The following SEMA3E variants were observed in gnomAD, a reference collection of about 807,000 sequenced individuals.
The protein encoded by SEMA3E is semaphorin-3E.
In SEMA3E, 49 loss-of-function variants were observed where a neutral mutation model predicts 93.6. The observed-to-expected ratio is 0.52, with a 90% CI of 0.42 to 0.66. The LOEUF is 0.66. SEMA3E is among the 30% of genes least tolerant of loss of function. The probability of loss-of-function intolerance (pLI) is 0.00; values close to 1 mark genes in which losing one functional copy is unlikely to be tolerated. For synonymous variants in SEMA3E, 363 were observed against 330.7 expected (o/e 1.10, Z -1.06); for missense variants, 906 against 964.8 (o/e 0.94, Z 0.81).
chr7:83,569,157 C>A (rs934097505), intron 1 of SEMA3E, among the ~76,000 whole-genome samples: 2 of 148,300 alleles, frequency 1.3e-5, no homozygotes, highest in Admixed American at 6.7e-5. Flanking sequence ...AAAAAAAAAT[C>A]TTATAAATAA....
chr7:83,451,024 G>A (rs1407420685), intron 4 of SEMA3E, among the ~76,000 whole-genome samples: 1 of 152,004 alleles, frequency 6.6e-6, no homozygotes, highest in Non-Finnish European at 1.5e-5. Context: ...AATCATGGGG[G>A]TAGTTTCCCC....
chr7:83,439,013 T>G (rs903530626), intron 4 of SEMA3E, among the ~76,000 whole-genome samples: 1 of 152,292 alleles, frequency 6.6e-6, no homozygotes, highest in East Asian at 1.9e-4. Context: ...GGAGCAGGAA[T>G]CAAAATTCTT....
intron 4 of SEMA3E, among the ~76,000 whole-genome samples, chr7:83,443,537 G>T (rs1789161915): frequency 6.6e-6 from 1 of 152,022 alleles, no homozygotes. Flanking sequence ...TTCCAAATCA[G>T]GGTTGAAATA....
At chr7:83,508,901 C>T (rs1270469069) in intron 1 of SEMA3E, among the ~76,000 whole-genome samples, 3 of 152,074 alleles carry the variant, frequency 2.0e-5, no homozygotes, top group Non-Finnish European at 4.4e-5. Context: ...CAAAAACATA[C>T]TTTTTGATCT....
At chr7:83,551,290 C>T (rs374230545) in intron 1 of SEMA3E, among the ~76,000 whole-genome samples, 2 of 152,136 alleles carry the variant, frequency 1.3e-5, no homozygotes, top group African/African-American at 4.8e-5. Context: ...ATATAATCAC[C>T]ATGTTGGAAA....
rs1357599912 is a variant in SEMA3E at position 83,578,881 on chromosome 7, G to A, written c.115+69547C>T. On this transcript the variant is annotated intron_variant, in intron 1 of 16. Transcript: ENST00000643230. ...AACAAAAGAGCTTATTCAAATATTGGCCCTTTAGACTTGGAGCTTTGCAAG... is the reference window on the plus strand; with the variant it reads ...AACAAAAGAGCTTATTCAAATATTGACCCTTTAGACTTGGAGCTTTGCAAG... Among the ~76,000 whole-genome samples the A allele has an allele frequency of 3.3e-5, 5 of 152,032 alleles. No individual in the cohort carries two copies. The East Asian group carries it at 9.7e-4, about 29-fold the overall frequency.
chr7:83,518,054 G>A (rs946128872), intron 1 of SEMA3E, among the ~76,000 whole-genome samples: 1 of 152,146 alleles, frequency 6.6e-6, no homozygotes, highest in Non-Finnish European at 1.5e-5. Context: ...TGTGGAGGGT[G>A]CAAAAATGGC....
At chr7:83,503,748 C>T (rs1170244601) in intron 1 of SEMA3E, among the ~76,000 whole-genome samples, 1 of 152,114 alleles carries the variant, frequency 6.6e-6, no homozygotes, top group Non-Finnish European at 1.5e-5. Context: ...TATCTAAACA[C>T]AGAAAAGGTA....
At chr7:83,466,287 T>C (rs927570599) in intron 4 of SEMA3E, among the ~76,000 whole-genome samples, 195 bp downstream of exon 4, 9 of 152,124 alleles carry the variant, frequency 5.9e-5, no homozygotes, top group Admixed American at 3.3e-4. Context: ...GCATAGCAAA[T>C]TAATTGGTTC....
At position 83,363,860 on chromosome 7, in the gene SEMA3E, ATTTTTTT is replaced by A. The variant is rs56867715; in HGVS notation, c.*3719_*3725del. 1.3e-5 allele frequency: 1 copy of A among 76,968 alleles called. No individual in the cohort carries two copies. Among genetic ancestry groups the A allele is most frequent in the Non-Finnish European group, 2.3e-5 (1 of 42,728 alleles). The allele number at this position is 76,968 out of a possible 1,614,324, so 4.8% of individuals were successfully genotyped here. On this transcript the variant is annotated 3_prime_UTR_variant, in exon 17 of 17. Coordinates refer to ENST00000643230, the MANE Select transcript of SEMA3E (RefSeq NM_012431.3). ...GGCTACAGGTGTCACAGGTCAATTC[ATTTTTTT>A]TTTTTTTTTTTTTTTTTTTTTTTTT...
chr7:83,401,750 A>G (rs1788237957), intron 10 of SEMA3E, among the ~76,000 whole-genome samples: 1 of 152,022 alleles, frequency 6.6e-6, no homozygotes, highest in African/African-American at 2.4e-5. Context: ...TTTCTATTTG[A>G]CTTGCAAGTA....
Position 83,593,240 on chromosome 7 carries a change from C to T in SEMA3E, c.115+55188G>A, listed in dbSNP as rs554970121. Among the ~76,000 whole-genome samples, 192 of 140,228 alleles carry T rather than the reference C, an allele frequency of 1.4e-3. 2 individuals carry two copies. Among genetic ancestry groups the T allele is most frequent in the African/African-American group, 4.6e-3 (174 of 37,616 alleles). 92.0% of individuals were successfully genotyped at this position (140,228 alleles called of 152,430 possible). The stretch of plus-strand genomic sequence containing the variant: ...CTGAAACCTCTCTCTCTCTCTCTTT[C>T]GCTCTTTCTCTCTCTCTCTGTCTCT... On this transcript the variant is annotated intron_variant, in intron 1 of 16. Coordinates refer to ENST00000643230, the MANE Select transcript of SEMA3E (RefSeq NM_012431.3).
At chr7:83,467,223 C>T (rs1163421705) in intron 3 of SEMA3E, among the ~76,000 whole-genome samples, 2 of 152,076 alleles carry the variant, frequency 1.3e-5, no homozygotes, top group African/African-American at 4.8e-5. Context: ...TGCCACCATG[C>T]CCAGCTAATC....
At chr7:83,637,276 C>A (rs1176379856) in intron 1 of SEMA3E, among the ~76,000 whole-genome samples, 1 of 151,946 alleles carries the variant, frequency 6.6e-6, no homozygotes, top group Non-Finnish European at 1.5e-5. Context: ...CCTTTACTAT[C>A]CCAGGATTCC....
chr7:83,639,128 A>C lies in SEMA3E; in HGVS notation c.115+9300T>G, dbSNP rs1185225477. On this transcript the variant is annotated intron_variant, in intron 1 of 16. Transcript: ENST00000643230. ...TCCGTCTCAAAAAAAAAAAAAAAAA[A>C]AAAAAAAAAAAACAGAGATTCCTGA... Among the ~76,000 whole-genome samples, 22 of 141,436 alleles carry C rather than the reference A, an allele frequency of 1.6e-4. 2 individuals carry two copies. Among genetic ancestry groups the C allele is most frequent in the African/African-American group, 5.2e-4 (20 of 38,378 alleles). The allele number at this position is 141,436 out of a possible 152,430, so 92.8% of individuals were successfully genotyped here. A position where few individuals can be genotyped will look rare whatever the true frequency, so the allele number is the denominator to read the frequency against.
intron 1 of SEMA3E, among the ~76,000 whole-genome samples, chr7:83,549,721 C>A (rs761182231): frequency 1.2e-4 from 19 of 152,012 alleles, no homozygotes; most frequent in Non-Finnish European, 2.5e-4. Context: ...TCATCTTCTG[C>A]TAGATCCCAG....
intron 1 of SEMA3E, among the ~76,000 whole-genome samples, chr7:83,561,336 C>T (rs567061891): frequency 6.6e-6 from 1 of 152,028 alleles, no homozygotes; most frequent in African/African-American, 2.4e-5. Context: ...TCTCCATGTG[C>T]GATAAAATGT....
chr7:83,426,320 C>A (rs1283048865), intron 4 of SEMA3E, among the ~76,000 whole-genome samples: 1 of 152,100 alleles, frequency 6.6e-6, no homozygotes, highest in African/African-American at 2.4e-5. Context: ...GACATGGAAT[C>A]AACATAGGTG....
intron 1 of SEMA3E, among the ~76,000 whole-genome samples, chr7:83,531,997 C>T (rs1002733549): frequency 1.3e-5 from 2 of 152,110 alleles, no homozygotes; most frequent in Non-Finnish European, 2.9e-5. Context: ...CTGAAAACAA[C>T]ATGTGATAAA....
Sources: allele counts gnomAD v4.1 joint callset (sites outside exome capture counted in the v4.1 genomes callset), GRCh38; gene constraint gnomAD v4.1.1; transcripts MANE v1.5; gene names NCBI Gene and HGNC (gene_info 2026-07-23, HGNC 2026-07-21).